PDE4D: variants seen among roughly 807,000 people sequenced by gnomAD.
PDE4D encodes the protein 3',5'-cyclic-AMP phosphodiesterase 4D.
Under a neutral mutation model 87.4 loss-of-function variants are expected in PDE4D, and 24 were observed. The observed-to-expected ratio is 0.27, with a 90% confidence interval of 0.20 to 0.39. The LOEUF (loss-of-function observed/expected upper bound fraction) is 0.39, where lower values mean the gene tolerates loss of function less well. Among genes scored for constraint, PDE4D ranks in the 10% least tolerant of loss-of-function variants. The pLI is 1.00. For synonymous variants in PDE4D, 384 were observed against 383.2 expected, an observed-to-expected ratio of 1.00 and a Z score of -0.02; for missense variants, 714 against 1,041.0, an observed-to-expected ratio of 0.69 and a Z score of 4.32.
chr5:59,815,298 G>A (rs1768852657), intron 1 of PDE4D, among the ~76,000 whole-genome samples: 1 of 152,190 alleles, frequency 6.6e-6, no homozygotes, highest in African/African-American at 2.4e-5. Context: ...ATTGGTCCCT[G>A]AAAACATTTC....
chr5:59,946,760 G>T (rs1337640061), intron 3 of PDE4D, among the ~76,000 whole-genome samples: 1 of 152,114 alleles, frequency 6.6e-6, no homozygotes, highest in African/African-American at 2.4e-5. Flanking sequence ...CTCTCTAACT[G>T]ATAAACTGCT....
chr5:60,015,857 C>T (rs1287527688), intron 2 of PDE4D, among the ~76,000 whole-genome samples: 1 of 151,822 alleles, frequency 6.6e-6, no homozygotes, highest in African/African-American at 2.4e-5. Context: ...ACGTTTTGGA[C>T]TCACCAACTT....
rs6894319 is a variant in PDE4D, at chr5:59,029,364, C to T, written c.921+9495G>A. Reference sequence around the variant, plus strand: ...CCTGGGAGGTGGAGCTTGCAGTAAGCCGAGATCGCGCCACTGCACTCTAGC... The same window carrying T: ...CCTGGGAGGTGGAGCTTGCAGTAAGTCGAGATCGCGCCACTGCACTCTAGC... On this transcript the variant is annotated intron_variant, in intron 6 of 14. Transcript: ENST00000340635. 2.3e-3 allele frequency among the ~76,000 whole-genome samples: 332 copies of T among 145,386 alleles called. 1 individual carries two copies. Among genetic ancestry groups the T allele is most frequent in the African/African-American group, 8.1e-3 (317 of 38,922 alleles).
chr5:59,655,449 T>C (rs1416250728), intron 1 of PDE4D, among the ~76,000 whole-genome samples: 3 of 152,314 alleles, frequency 2.0e-5, no homozygotes, highest in Non-Finnish European at 4.4e-5. Flanking sequence ...ATATAAAATG[T>C]AATGTTGGAA....
chr5:59,994,816 T>C (rs1409113114), intron 2 of PDE4D, among the ~76,000 whole-genome samples: 2 of 152,236 alleles, frequency 1.3e-5, no homozygotes, highest in Non-Finnish European at 2.9e-5. Context: ...TACTATTTTA[T>C]GTGTATATCT....
chr5:59,349,264 A>T (rs1050143327), intron 1 of PDE4D, among the ~76,000 whole-genome samples: 1 of 152,242 alleles, frequency 6.6e-6, no homozygotes, highest in East Asian at 1.9e-4. Context: ...TGTCAATTAT[A>T]GTTTGAAAGT....
At chr5:60,146,501 A>C (rs1001102683) in intron 2 of PDE4D, among the ~76,000 whole-genome samples, 1 of 152,122 alleles carries the variant, frequency 6.6e-6, no homozygotes, top group Non-Finnish European at 1.5e-5. Flanking sequence ...GTCCTCATTG[A>C]CCCTTTTCCT....
intron 1 of PDE4D, among the ~76,000 whole-genome samples, chr5:59,444,546 C>T (rs2153637554): frequency 6.6e-6 from 1 of 152,300 alleles, no homozygotes; most frequent in South Asian, 2.1e-4. Flanking sequence ...GGCGCGGTGG[C>T]TCACGCCTGT....
At chr5:60,449,123 A>G (rs1745888949) in intron 1 of PDE4D, among the ~76,000 whole-genome samples, 1 of 148,728 alleles carries the variant, frequency 6.7e-6, no homozygotes, top group Non-Finnish European at 1.5e-5. Flanking sequence ...ATGTTTTAAA[A>G]GAGTTAAACA....
In PDE4D at chr5:59,005,336, A is replaced by G. The variant is rs189912829; in HGVS notation, c.922-11871T>C. ...ATGTGAAAGGATTTAACTTATTCAAATAAGTCCCTAATTTGCTGCAATAAG... is the reference window on the plus strand; with the variant it reads ...ATGTGAAAGGATTTAACTTATTCAAGTAAGTCCCTAATTTGCTGCAATAAG... On this transcript the variant is annotated intron_variant, in intron 6 of 14. Transcript: ENST00000340635. Among the ~76,000 whole-genome samples, 270 of 152,326 alleles carry G rather than the reference A, an allele frequency of 1.8e-3. 2 individuals are homozygous for G. The highest frequency in any genetic ancestry group is 2.9e-3 in the Admixed American group (44 of 15,306).
Position 59,442,320 on chromosome 5 carries a change from A to G in PDE4D, c.456-226352T>C, listed in dbSNP as rs1797756081. On this transcript the variant is annotated intron_variant, in intron 1 of 14. Coordinates refer to ENST00000340635, the MANE Select transcript of PDE4D (RefSeq NM_001104631.2). Reference sequence around the variant, plus strand: ...ATCAAATAGTGAACACAGACTGGGGAATGAAAATGTGGTTTGACAACATCC... The same window carrying G: ...ATCAAATAGTGAACACAGACTGGGGGATGAAAATGTGGTTTGACAACATCC... Among the ~76,000 whole-genome samples the G allele has an allele frequency of 2.0e-5, 3 of 152,178 alleles. No homozygotes were observed. In the South Asian group the frequency reaches 6.2e-4, roughly 31 times the overall value.
intron 1 of PDE4D, among the ~76,000 whole-genome samples, chr5:60,205,923 G>T (rs75298271): frequency 0.02 from 3,069 of 152,180 alleles, 40 homozygotes; most frequent in Non-Finnish European, 0.032. Context: ...CAATAAATAT[G>T]CATGACAGGG....
chr5:59,947,809 A>G (rs1224560043), intron 3 of PDE4D, among the ~76,000 whole-genome samples: 1 of 152,104 alleles, frequency 6.6e-6, no homozygotes, highest in Non-Finnish European at 1.5e-5. Flanking sequence ...AAGTTCAAGA[A>G]CAGCCTGACC....
chr5:60,159,177 T>C (rs1385041948), intron 2 of PDE4D, among the ~76,000 whole-genome samples: 2 of 152,194 alleles, frequency 1.3e-5, no homozygotes, highest in African/African-American at 4.8e-5. Context: ...CACTGTCTTC[T>C]ACCTCCACAT....
intron 2 of PDE4D, among the ~76,000 whole-genome samples, chr5:60,041,348 C>G (rs917943528): frequency 6.6e-6 from 1 of 152,172 alleles, no homozygotes; most frequent in Admixed American, 6.5e-5. Context: ...ATGTTTCAAT[C>G]ACCCTCTGAG....
At chr5:59,568,917 C>T (rs562180277) in intron 1 of PDE4D, among the ~76,000 whole-genome samples, 2 of 152,170 alleles carry the variant, frequency 1.3e-5, no homozygotes, top group South Asian at 4.1e-4. Flanking sequence ...TGTACCAATA[C>T]TGGTTCATTC....
intron 1 of PDE4D, among the ~76,000 whole-genome samples, chr5:59,878,324 A>G (rs1748910302): frequency 6.6e-6 from 1 of 152,234 alleles, no homozygotes; most frequent in South Asian, 2.1e-4. Context: ...TCCTCTGCAG[A>G]TGAGCGTTTT....
intron 1 of PDE4D, among the ~76,000 whole-genome samples, chr5:60,301,611 ACTAT>A: frequency 6.6e-6 from 1 of 152,286 alleles, no homozygotes; most frequent in Middle Eastern, 3.4e-3. Context: ...TTGGGCTGAA[ACTAT>A]CTGTTTTCTA....
chr5:59,581,003 G>A (rs1213842492), intron 1 of PDE4D, among the ~76,000 whole-genome samples: 1 of 152,050 alleles, frequency 6.6e-6, no homozygotes. Context: ...ATCCCTAGTT[G>A]TAATATATTG....
Sources: allele counts gnomAD v4.1 joint callset (sites outside exome capture counted in the v4.1 genomes callset), GRCh38; gene constraint gnomAD v4.1.1; transcripts MANE v1.5; gene names NCBI Gene and HGNC (gene_info 2026-07-23, HGNC 2026-07-21).